JMJD1C: variants seen among roughly 807,000 people sequenced by gnomAD.
The protein encoded by JMJD1C is jumonji domain-containing protein 1C.
JMJD1C carries 31 observed loss-of-function variants against 245.3 expected under a neutral mutation model. The ratio of observed to expected loss-of-function variants is 0.13; its 90% CI spans 0.09 to 0.17. JMJD1C has a LOEUF of 0.17. Ranked by LOEUF, JMJD1C falls within the 10% of genes least tolerant of loss-of-function variation. The pLI is 1.00. For synonymous variants in JMJD1C, 1,057 were observed against 1,017.4 expected (o/e 1.04, Z -0.74); for missense variants, 2,691 against 3,000.2 (o/e 0.90, Z 2.41).
At chr10:63,244,810 A>C (rs1851956372) in intron 3 of JMJD1C, among the ~76,000 whole-genome samples, 1 of 128,642 alleles carries the variant, frequency 7.8e-6, no homozygotes, top group Non-Finnish European at 1.6e-5. Context: ...CCTTCTCTTA[A>C]AAAAAAAGGG....
intron 2 of JMJD1C, among the ~76,000 whole-genome samples, chr10:63,376,759 C>CA (rs1390629642): frequency 4.6e-5 from 7 of 151,914 alleles, no homozygotes; most frequent in Non-Finnish European, 8.8e-5. Flanking sequence ...AAGTAAATAC[C>CA]AAAAAAATGA....
At chr10:63,404,277 A>G (rs974896623) in intron 1 of JMJD1C, among the ~76,000 whole-genome samples, 2 of 152,258 alleles carry the variant, frequency 1.3e-5, no homozygotes, top group African/African-American at 4.8e-5. Context: ...TTTTAGGAAG[A>G]ACCAACAGAT....
intron 3 of JMJD1C, among the ~76,000 whole-genome samples, chr10:63,224,349 G>T (rs1848992314): frequency 6.6e-6 from 1 of 151,960 alleles, no homozygotes; most frequent in Non-Finnish European, 1.5e-5. Context: ...ATCTAATTCT[G>T]ATTTATGACA....
intron 1 of JMJD1C, among the ~76,000 whole-genome samples, chr10:63,501,506 G>A (rs1018272563): frequency 2.6e-5 from 4 of 152,120 alleles, no homozygotes; most frequent in East Asian, 1.9e-4. Context: ...GGCTAGACAC[G>A]GTGGCTCACG....
intron 1 of JMJD1C, among the ~76,000 whole-genome samples, chr10:63,503,649 T>C (rs561671934): frequency 3.9e-5 from 6 of 152,324 alleles, no homozygotes; most frequent in Admixed American, 2.0e-4. Context: ...TAAACTGAGA[T>C]TGGCTCTCAC....
At chr10:63,270,766 C>T (rs1372412396) in intron 2 of JMJD1C, among the ~76,000 whole-genome samples, 1 of 152,072 alleles carries the variant, frequency 6.6e-6, no homozygotes, top group Non-Finnish European at 1.5e-5. Context: ...CCCTGACAGG[C>T]CTTATAGTAA....
intron 1 of JMJD1C, among the ~76,000 whole-genome samples, chr10:63,517,838 G>A (rs1955070701): frequency 7.9e-6 from 1 of 127,308 alleles, no homozygotes; most frequent in South Asian, 2.5e-4. Context: ...TGTCACCCAA[G>A]CTGGAGTGCA....
At chr10:63,264,007 C>CACACAA (rs1198176935) in intron 3 of JMJD1C, among the ~76,000 whole-genome samples, 1 of 136,716 alleles carries the variant, frequency 7.3e-6, no homozygotes, top group African/African-American at 2.8e-5. Flanking sequence ...CACACACACA[C>CACACAA]AATTCTGTGA....
intron 2 of JMJD1C, among the ~76,000 whole-genome samples, chr10:63,311,006 T>C (rs1034913514): frequency 2.6e-5 from 4 of 151,968 alleles, no homozygotes; most frequent in Admixed American, 1.3e-4. Context: ...AAAGAAGTGA[T>C]GGGAAAATAT....
chr10:63,251,555 G>A lies in JMJD1C; in HGVS notation c.447+13096C>T, dbSNP rs190809220. Among the ~76,000 whole-genome samples the A allele has an allele frequency of 1.2e-3, 189 of 152,296 alleles. 1 individual carries two copies. The highest frequency in any genetic ancestry group is 4.3e-3 in the African/African-American group (177 of 41,566). On this transcript the variant is annotated intron_variant, in intron 3 of 25. Coordinates refer to ENST00000399262, the MANE Select transcript of JMJD1C (RefSeq NM_032776.3). The stretch of plus-strand genomic sequence containing the variant: ...AAGAATTTGATCTGGAATTAGACTG[G>A]ACTGAAAGGAGATTGTGGACAGCCA...
intron 1 of JMJD1C, among the ~76,000 whole-genome samples, chr10:63,480,323 A>C (rs1490034502): frequency 1.2e-4 from 18 of 145,982 alleles, no homozygotes; most frequent in Non-Finnish European, 2.6e-4. Flanking sequence ...CTATAGTTTG[A>C]TTTTTTTTTT....
chr10:63,199,404 G>A (rs1845783263), intron 11 of JMJD1C, among the ~76,000 whole-genome samples: 1 of 152,106 alleles, frequency 6.6e-6, no homozygotes, highest in African/African-American at 2.4e-5. Context: ...TGATGTCTAA[G>A]ATACAAGTCA....
At chr10:63,403,376 G>T (rs1948977998) in intron 1 of JMJD1C, among the ~76,000 whole-genome samples, 1 of 152,120 alleles carries the variant, frequency 6.6e-6, no homozygotes, top group Non-Finnish European at 1.5e-5. Context: ...ATCACTTAAG[G>T]TCTTCACATC....
chr10:63,177,029 T>G (rs1842923910), intron 23 of JMJD1C: 1 of 152,562 alleles, frequency 6.6e-6, no homozygotes. Context: ...AGGGATAAAA[T>G]GGTACAAAAA....
rs76544874 is a variant in JMJD1C at position 63,205,296 on chromosome 10, A to G, written c.5074+1299T>C. Among the ~76,000 whole-genome samples the G allele has an allele frequency of 9.2e-5, 14 of 152,324 alleles. No homozygotes were observed. In the East Asian group the frequency reaches 1.9e-3, roughly 21 times the overall value. On this transcript the variant is annotated intron_variant, in intron 10 of 25. Transcript: ENST00000399262. The stretch of plus-strand genomic sequence containing the variant: ...CAGCATTAAATAGATAGTAATTTCC[A>G]TAAGCTTCCAATTTTGTCACCAGAT...
intron 2 of JMJD1C, among the ~76,000 whole-genome samples, chr10:63,358,087 A>C (rs1945016652): frequency 6.6e-6 from 1 of 152,176 alleles, no homozygotes; most frequent in Non-Finnish European, 1.5e-5. Context: ...ATAATGAAAA[A>C]GTGAAAATCC....
intron 3 of JMJD1C, among the ~76,000 whole-genome samples, chr10:63,225,721 G>A (rs541608266): frequency 1.3e-5 from 2 of 151,738 alleles, no homozygotes; most frequent in Non-Finnish European, 2.9e-5. Context: ...AGAGGATGCA[G>A]TGAGCTGAGA....
At position 63,213,795 on chromosome 10, in the gene JMJD1C, T is replaced by A. The variant is rs764899973; in HGVS notation, c.2372A>T (p.His791Leu). 8.1e-6 allele frequency: 13 copies of A among 1,613,932 alleles called. No individual in the cohort carries two copies. Among genetic ancestry groups the A allele is most frequent in the Non-Finnish European group, 1.1e-5 (13 of 1,179,990 alleles). The change falls in exon 8 of 26, where the codon CAT becomes CTT. Residue 791 changes from histidine (H) to leucine (L), a missense_variant. This residue lies in a region of JMJD1C where 1,562 missense variants were observed against 1,490.7 expected (regional missense o/e 1.05). Transcript: ENST00000399262. The stretch of plus-strand genomic sequence containing the variant: ...CACAGTGGGAAGTAAATGAGGGTGA[T>A]GAACAGCATGGTGTGGACCACTAGT... ...PLTSGPHHAV[H>L]HPHLLPTVLP...
chr10:63,314,199 T>G lies in JMJD1C; in HGVS notation c.334-49435A>C, dbSNP rs112754825. On this transcript the variant is annotated intron_variant, in intron 2 of 25. Transcript: ENST00000399262. ...GGTGTTCTTTCCCCACTTCATGTTT[T>G]TGTTTGTTTTGTTGAGGATCAGTTG... Among the ~76,000 whole-genome samples the G allele has an allele frequency of 3.3e-3, 506 of 152,348 alleles. 3 individuals are homozygous for G. Among genetic ancestry groups the G allele is most frequent in the African/African-American group, 0.011 (465 of 41,582 alleles).
Sources: allele counts gnomAD v4.1 joint callset (sites outside exome capture counted in the v4.1 genomes callset), GRCh38; gene constraint gnomAD v4.1.1; regional missense constraint gnomAD v4.1.1; transcripts MANE v1.5; gene names NCBI Gene and HGNC (gene_info 2026-07-23, HGNC 2026-07-21).